The following OXGR1 variants were observed in gnomAD, a reference collection of about 807,000 sequenced individuals.
OXGR1 encodes the protein 2-oxoglutarate receptor 1.
OXGR1 carries 10 observed loss-of-function variants against 10.0 expected under a neutral mutation model. The ratio of observed to expected loss-of-function variants is 1.00; its 90% confidence interval spans 0.62 to 1.70. The LOEUF (loss-of-function observed/expected upper bound fraction) is 1.70, where lower values mean the gene tolerates loss of function less well. Ranked by LOEUF, OXGR1 falls within the 40% of genes most tolerant of loss-of-function variation. The pLI is 0.00. For synonymous variants in OXGR1, 191 were observed against 155.9 expected (o/e 1.22, Z -1.68); for missense variants, 398 against 407.6 (o/e 0.98, Z 0.20).
intron 3 of OXGR1, among the ~76,000 whole-genome samples, chr13:96,988,156 A>C (rs913548160): frequency 6.6e-6 from 1 of 152,244 alleles, no homozygotes; most frequent in African/African-American, 2.4e-5. Context: ...AGACTTAACA[A>C]CAGGACCTAC....
intron 2 of OXGR1, among the ~76,000 whole-genome samples, chr13:96,991,098 G>A (rs1882034751): frequency 6.6e-6 from 1 of 152,148 alleles, no homozygotes; most frequent in Admixed American, 6.5e-5. Flanking sequence ...GTTATAGGTA[G>A]AAACAACTGC....
chr13:96,993,413 T>A (rs945194019), intron 1 of OXGR1, among the ~76,000 whole-genome samples: 1 of 152,038 alleles, frequency 6.6e-6, no homozygotes. Flanking sequence ...GAGACAGGGT[T>A]TCACCAGCCT....
intron 3 of OXGR1, among the ~76,000 whole-genome samples, chr13:96,989,075 GA>G (rs199633208): frequency 1.3e-5 from 2 of 151,742 alleles, no homozygotes; most frequent in Non-Finnish European, 1.5e-5. Flanking sequence ...TTAAAAATAG[GA>G]AAAAAAACTC....
At chr13:96,988,149 C>T (rs753766669) in intron 3 of OXGR1, among the ~76,000 whole-genome samples, 10 of 152,202 alleles carry the variant, frequency 6.6e-5, no homozygotes, top group Non-Finnish European at 1.5e-4. Flanking sequence ...CCATTAGAGA[C>T]TTAACAACAG....
Position 96,986,884 on chromosome 13 carries a change from A to C in OXGR1, c.876T>G (p.Ala292=). ...GTAACAGGTTACCAAAGGTGTTCAG[A>C]GCAGCTAATGGTCTAGAAACGATGT... is the stretch of plus-strand genomic sequence containing the variant. ...EAYIVSRPLA[A]LNTFGNLLLY... Residue 292 remains alanine, a synonymous_variant, in exon 4 of 4, where the codon GCT becomes GCG. Coordinates refer to ENST00000541038, the MANE Select transcript of OXGR1 (RefSeq NM_001346194.2). The C allele has an allele frequency of 1.2e-6, 2 of 1,614,226 alleles. No homozygotes were observed. The highest frequency in any genetic ancestry group is 1.7e-6 in the Non-Finnish European group (2 of 1,180,040).
intron 3 of OXGR1, among the ~76,000 whole-genome samples, chr13:96,988,853 T>A (rs1479852968): frequency 6.6e-6 from 1 of 152,234 alleles, no homozygotes; most frequent in Non-Finnish European, 1.5e-5. Flanking sequence ...AATTAGCTTA[T>A]TATTTGGATG....
At chr13:96,993,013 C>T (rs1178062100) in intron 1 of OXGR1, among the ~76,000 whole-genome samples, 2 of 152,176 alleles carry the variant, frequency 1.3e-5, no homozygotes, top group South Asian at 2.1e-4. Flanking sequence ...CAAAGACTTA[C>T]TTCGATTTCC....
Position 96,986,639 on chromosome 13 carries a change from T to C in OXGR1, c.*107A>G. On this transcript the variant is annotated 3_prime_UTR_variant, in exon 4 of 4. Coordinates refer to ENST00000541038, the MANE Select transcript of OXGR1 (RefSeq NM_001346194.2). ...TGGCTTTGGCACATGATTACTTGAA[T>C]ACACAGTATTTACCAGGAGTTCCAT... 8.3e-7 allele frequency: 1 copy of C among 1,205,838 alleles called. No homozygotes were observed. Among genetic ancestry groups the C allele is most frequent in the Non-Finnish European group, 1.2e-6 (1 of 868,376 alleles). The allele number at this position is 1,205,838 out of a possible 1,614,324, so 74.7% of individuals were successfully genotyped here.
In OXGR1 at chr13:96,987,515, T is replaced by C; in HGVS notation, c.245A>G (p.Tyr82Cys). 6.2e-7 allele frequency: 1 copy of C among 1,614,194 alleles called. No homozygotes were observed. Among genetic ancestry groups the C allele is most frequent in the Non-Finnish European group, 8.5e-7 (1 of 1,180,024 alleles). ...MLNLACTDLL[Y>C]LTSLPFLIHY... ...AATCAGGAAGGGGAGGCTGGTCAGA[T>C]ACAGCAGATCTGTGCAGGCCAGGTT... is the stretch of plus-strand genomic sequence containing the variant. The change falls in exon 4 of 4, where the codon TAT (tyrosine) becomes TGT (cysteine). Residue 82 changes from tyrosine to cysteine, a missense_variant. By Grantham distance (194) the Tyr-to-Cys change is radical (BLOSUM62 -2). Transcript: ENST00000541038.
chr13:96,988,658 G>A (rs1881907587), intron 3 of OXGR1, among the ~76,000 whole-genome samples: 1 of 152,170 alleles, frequency 6.6e-6, no homozygotes, highest in Admixed American at 6.5e-5. Context: ...GAGCCCTGAA[G>A]CCAGATGGCC....
intron 1 of OXGR1, among the ~76,000 whole-genome samples, chr13:96,993,017 G>A (rs185142343): frequency 6.6e-6 from 1 of 152,244 alleles, no homozygotes; most frequent in East Asian, 1.9e-4. Flanking sequence ...GACTTACTTC[G>A]ATTTCCCAGT....
rs1412778390 is a variant in OXGR1, at chr13:96,987,037, C to A, written c.723G>T (p.Arg241Ser). The change falls in exon 4 of 4, where the codon AGG becomes AGT. Residue 241 changes from arginine (R) to serine (S), a missense_variant. Transcript: ENST00000541038. Reference protein sequence around the residue: ...TDSCLKQKARRLTILLLLAFY... With the variant: ...TDSCLKQKARSLTILLLLAFY... ...ATGCAAGGAGTAGCAGAATGGTTAG[C>A]CTTCGTGCTTTCTGCTTAAGGCAGC... The A allele has an allele frequency of 1.9e-6, 3 of 1,614,080 alleles. No individual in the cohort carries two copies. The highest frequency in any genetic ancestry group is 1.3e-5 in the African/African-American group (1 of 74,922).
Position 96,986,934 on chromosome 13 carries a change from T to C in OXGR1, c.826A>G (p.Ile276Val). The C allele has an allele frequency of 6.2e-7, 1 of 1,614,138 alleles. No individual in the cohort carries two copies. The highest frequency in any genetic ancestry group is 8.5e-7 in the Non-Finnish European group (1 of 1,180,026). ...ESRLLSISCSIENQIHEAYIV... is the reference protein window; with the variant it reads ...ESRLLSISCSVENQIHEAYIV... Reference sequence around the variant, plus strand: ...TAAGCTTCATGGATCTGATTCTCAATGGAACAACTGATTGAAAGCAGGCGA... The same window carrying C: ...TAAGCTTCATGGATCTGATTCTCAACGGAACAACTGATTGAAAGCAGGCGA... The change falls in exon 4 of 4, where the codon ATT becomes GTT. Residue 276 changes from isoleucine to valine, a missense_variant. Transcript: ENST00000541038.
Position 96,986,787 on chromosome 13 carries a change from G to A in OXGR1, c.973C>T (p.Leu325Phe), listed in dbSNP as rs143070279. Residue 325 changes from leucine (L) to phenylalanine (F), a missense_variant, in exon 4 of 4, where the codon CTT becomes TTT. Physicochemically the swap from Leu to Phe is conservative, Grantham distance 22. Coordinates refer to ENST00000541038, the MANE Select transcript of OXGR1 (RefSeq NM_001346194.2). ...STVRCKVSGN[L>F]EQAKKISYSN... ...TAACTAATTTTCTTTGCTTGCTCAA[G>A]GTTCCCGCTTACTTTGCATCTCACT... The A allele has an allele frequency of 6.0e-5, 97 of 1,611,332 alleles. No individual in the cohort carries two copies. The African/African-American group carries it at 1.2e-3, about 19-fold the overall frequency.
rs772273867 is a variant in OXGR1 at position 96,987,175 on chromosome 13, A to C, written c.585T>G (p.Ile195Met). ...CAGTCAAAATCAGGTTGTACCACTT[A>C]ATAGTATTGAGTTCATCCGAACTGG... ...DLTSSDELNTIKWYNLILTAT... is the reference protein window; with the variant it reads ...DLTSSDELNTMKWYNLILTAT... Residue 195 changes from isoleucine to methionine, a missense_variant, in exon 4 of 4, where the codon ATT becomes ATG. By Grantham distance (10) the Ile-to-Met change is conservative. Coordinates refer to ENST00000541038, the MANE Select transcript of OXGR1 (RefSeq NM_001346194.2). The C allele has an allele frequency of 1.2e-6, 2 of 1,614,140 alleles. No individual in the cohort carries two copies. The highest frequency in any genetic ancestry group is 2.2e-5 in the South Asian group (2 of 91,084).
At position 96,989,775 on chromosome 13, in the gene OXGR1, T is replaced by C. The variant is rs1881961049; in HGVS notation, c.-92A>G. The C allele has an allele frequency of 6.6e-6, 1 of 152,178 alleles. No individual in the cohort carries two copies. 9.4% of individuals were successfully genotyped at this position (152,178 alleles called of 1,614,324 possible). On this transcript the variant is annotated 5_prime_UTR_variant, in exon 3 of 4. Coordinates refer to ENST00000541038, the MANE Select transcript of OXGR1 (RefSeq NM_001346194.2). The stretch of plus-strand genomic sequence containing the variant: ...CACATTACCTCTCAGTGCTGTCTCT[T>C]CATGTGTATTTTGTTGATTTTCATC...
rs374069089 is a variant in OXGR1, at chr13:96,988,613, C to A, written c.-74-780G>T. 1.1e-4 allele frequency among the ~76,000 whole-genome samples: 16 copies of A among 151,916 alleles called. 1 individual carries two copies. The highest frequency in any genetic ancestry group is 9.2e-4 in the Admixed American group (14 of 15,248). The stretch of plus-strand genomic sequence containing the variant: ...AGTGTGTGTGTTGGGGTGGATGGGG[C>A]GGGATCAATGGTATAATGCGGCCAT... On this transcript the variant is annotated intron_variant, in intron 3 of 3. Coordinates refer to ENST00000541038, the MANE Select transcript of OXGR1 (RefSeq NM_001346194.2).
chr13:96,987,821 G>A lies in OXGR1; in HGVS notation c.-62C>T. On this transcript the variant is annotated 5_prime_UTR_variant, in exon 4 of 4. Coordinates refer to ENST00000541038, the MANE Select transcript of OXGR1 (RefSeq NM_001346194.2). ...TTCAGTTTGGCAATATGAATCAAAT[G>A]AGCAGTAACTCGCTGATAAAGGAAA... The A allele has an allele frequency of 1.0e-5, 15 of 1,507,446 alleles. No individual in the cohort carries two copies. The highest frequency in any genetic ancestry group is 1.3e-5 in the Non-Finnish European group (15 of 1,128,932). 93.4% of individuals were successfully genotyped at this position (1,507,446 alleles called of 1,614,324 possible).
intron 2 of OXGR1, among the ~76,000 whole-genome samples, chr13:96,990,983 AC>A (rs1882028628): frequency 6.7e-6 from 1 of 149,076 alleles, no homozygotes; most frequent in African/African-American, 2.5e-5. Context: ...ATCTTTCATG[AC>A]TTTTAAAGTA....
Sources: allele counts gnomAD v4.1 joint callset (sites outside exome capture counted in the v4.1 genomes callset), GRCh38; gene constraint gnomAD v4.1.1; transcripts MANE v1.5; gene names NCBI Gene and HGNC (gene_info 2026-07-23, HGNC 2026-07-21).